TNR: variants seen among roughly 807,000 people sequenced by gnomAD.
The protein encoded by TNR is tenascin-R.
In TNR, 45 loss-of-function variants were observed where a neutral mutation model predicts 150.4. The ratio of observed to expected loss-of-function variants is 0.30; its 90% CI spans 0.24 to 0.38. TNR has a LOEUF of 0.38. TNR is among the 10% of genes least tolerant of loss of function. TNR has a pLI of 1.00. For synonymous variants in TNR, 687 were observed against 678.4 expected, an observed-to-expected ratio of 1.01 and a Z score of -0.20; for missense variants, 1,544 against 1,759.1, an observed-to-expected ratio of 0.88 and a Z score of 2.19.
chr1:175,399,078 G>A (rs767429149), intron 4 of TNR, among the ~76,000 whole-genome samples: 3 of 152,196 alleles, frequency 2.0e-5, no homozygotes, highest in Non-Finnish European at 4.4e-5. Flanking sequence ...TATACATGGT[G>A]TCCCAAAGTA....
At chr1:175,430,802 A>C (rs1655228892) in intron 2 of TNR, among the ~76,000 whole-genome samples, 1 of 152,170 alleles carries the variant, frequency 6.6e-6, no homozygotes, top group African/African-American at 2.4e-5. Flanking sequence ...ACTTGTTTTG[A>C]TCTACCATAT....
chr1:175,416,755 TC>T (rs1288794370), intron 2 of TNR, among the ~76,000 whole-genome samples: 1 of 152,106 alleles, frequency 6.6e-6, no homozygotes, highest in African/African-American at 2.4e-5. Flanking sequence ...ACGCCTGTAA[TC>T]CCAGCACTTT....
chr1:175,644,095 T>C (rs1664743467), intron 1 of TNR, among the ~76,000 whole-genome samples: 1 of 152,226 alleles, frequency 6.6e-6, no homozygotes, highest in African/African-American at 2.4e-5. Flanking sequence ...TTGCCTAATA[T>C]GTTAATAGTA....
chr1:175,578,866 G>C (rs571660099), intron 1 of TNR, among the ~76,000 whole-genome samples: 1 of 152,254 alleles, frequency 6.6e-6, no homozygotes, highest in Admixed American at 6.5e-5. Flanking sequence ...TGAGGGTGGT[G>C]GCTACCCCTG....
At chr1:175,732,479 T>C (rs1247155744) in intron 1 of TNR, among the ~76,000 whole-genome samples, 3 of 152,246 alleles carry the variant, frequency 2.0e-5, no homozygotes, top group Non-Finnish European at 4.4e-5. Flanking sequence ...GATGGGGCTT[T>C]GTTTAAAAAC....
intron 9 of TNR, among the ~76,000 whole-genome samples, chr1:175,378,241 G>A (rs893594011): frequency 2.0e-5 from 3 of 152,114 alleles, no homozygotes; most frequent in South Asian, 4.1e-4. Flanking sequence ...GGCATGACTC[G>A]GCTCTCATTT....
rs1330418123 is a variant in TNR at position 175,331,055 on chromosome 1, T to TTCTTTCTTTCTTTCCTTC, written c.3632-821_3632-820insGAAGGAAAGAAAGAAAGA. ...TTTCTTTCTTTCTTTCTTTCTTTCT[T>TTCTTTCTTTCTTTCCTTC]TCTTTCTTTCTTTCTTTCTTTCCTT... is the stretch of plus-strand genomic sequence containing the variant. On this transcript the variant is annotated intron_variant, in intron 20 of 22. Coordinates refer to ENST00000367674, the MANE Select transcript of TNR (RefSeq NM_003285.3). Among the ~76,000 whole-genome samples, 332 of 117,192 alleles carry TTCTTTCTTTCTTTCCTTC rather than the reference T, an allele frequency of 2.8e-3. 11 individuals are homozygous for TTCTTTCTTTCTTTCCTTC. The highest frequency in any genetic ancestry group is 8.7e-3 in the Admixed American group (97 of 11,136). The allele number at this position is 117,192 out of a possible 152,430, so 76.9% of individuals were successfully genotyped here.
intron 1 of TNR, among the ~76,000 whole-genome samples, chr1:175,710,378 C>T (rs778284336): frequency 7.2e-5 from 11 of 152,082 alleles, no homozygotes; most frequent in Non-Finnish European, 1.0e-4. Flanking sequence ...TGATTTCTGT[C>T]CTGCTTATGT....
In TNR at chr1:175,737,864, AC is replaced by A. The variant is rs944663015; in HGVS notation, c.-165+5361del. On this transcript the variant is annotated intron_variant, in intron 1 of 22. Transcript: ENST00000367674. Reference sequence around the variant, plus strand: ...GGGTCTGTTGGCTCATTTGTCCCTGACCCCAGAACTCCTTCCCCCATTATGA... The same window carrying A: ...GGGTCTGTTGGCTCATTTGTCCCTGACCCAGAACTCCTTCCCCCATTATGA... 3.4e-4 allele frequency among the ~76,000 whole-genome samples: 51 copies of A among 151,996 alleles called. 1 individual carries two copies. The highest frequency in any genetic ancestry group is 1.2e-3 in the African/African-American group (49 of 41,356).
intron 1 of TNR, among the ~76,000 whole-genome samples, chr1:175,564,953 T>C (rs775891294): frequency 1.3e-5 from 2 of 152,208 alleles, no homozygotes; most frequent in Admixed American, 6.5e-5. Flanking sequence ...ATCTATCTCC[T>C]CTTTATCTCA....
intron 1 of TNR, among the ~76,000 whole-genome samples, chr1:175,537,102 C>A (rs112918871): frequency 6.6e-6 from 1 of 152,150 alleles, no homozygotes; most frequent in Non-Finnish European, 1.5e-5. Flanking sequence ...CTTTGGTGCA[C>A]GATCGTTAAG....
intron 1 of TNR, among the ~76,000 whole-genome samples, chr1:175,657,434 G>T (rs1433016362): frequency 2.0e-5 from 3 of 152,024 alleles, no homozygotes. Flanking sequence ...ATACCCAAAG[G>T]ATTATAAATC....
intron 1 of TNR, among the ~76,000 whole-genome samples, chr1:175,585,988 C>T (rs555398499): frequency 1.3e-5 from 2 of 152,190 alleles, no homozygotes; most frequent in Non-Finnish European, 2.9e-5. Context: ...TTGTAACTCA[C>T]CTGGAGAACA....
At chr1:175,636,652 T>C (rs1214748125) in intron 1 of TNR, among the ~76,000 whole-genome samples, 1 of 152,244 alleles carries the variant, frequency 6.6e-6, no homozygotes, top group African/African-American at 2.4e-5. Flanking sequence ...CTGATTTCTA[T>C]AATTCCTCTG....
intron 2 of TNR, among the ~76,000 whole-genome samples, chr1:175,513,376 C>A (rs1000586216): frequency 6.6e-6 from 1 of 152,172 alleles, no homozygotes; most frequent in Non-Finnish European, 1.5e-5. Flanking sequence ...AGAAATCGAA[C>A]ACATGTAGTC....
At chr1:175,546,968 C>T (rs967954677) in intron 1 of TNR, among the ~76,000 whole-genome samples, 17 of 152,168 alleles carry the variant, frequency 1.1e-4, no homozygotes, top group Admixed American at 9.8e-4. Flanking sequence ...CTGCAAAGTG[C>T]CAGTCACTTT....
chr1:175,720,754 G>A (rs1468802475), intron 1 of TNR, among the ~76,000 whole-genome samples: 2 of 152,230 alleles, frequency 1.3e-5, no homozygotes, highest in Non-Finnish European at 1.5e-5. Flanking sequence ...CTGCCCAGTG[G>A]AGGAAGGAGG....
In TNR at chr1:175,578,331, G is replaced by A. The variant is rs575173597; in HGVS notation, c.-164-49962C>T. ...GACAATAGCAAGATGAGGGGCCATA[G>A]AGAAGGTAAACAAGATTGATAAAAG... On this transcript the variant is annotated intron_variant, in intron 1 of 22. Coordinates refer to ENST00000367674, the MANE Select transcript of TNR (RefSeq NM_003285.3). 2.6e-5 allele frequency among the ~76,000 whole-genome samples: 4 copies of A among 152,080 alleles called. No homozygotes were observed. In the South Asian group the frequency reaches 6.2e-4, roughly 24 times the overall value.
intron 1 of TNR, among the ~76,000 whole-genome samples, chr1:175,709,046 G>A (rs979090319): frequency 6.7e-6 from 1 of 150,268 alleles, no homozygotes. Flanking sequence ...GGTGAGTGTC[G>A]CCTCACTGGG....
Sources: allele counts gnomAD v4.1 joint callset (sites outside exome capture counted in the v4.1 genomes callset), GRCh38; gene constraint gnomAD v4.1.1; transcripts MANE v1.5; gene names NCBI Gene and HGNC (gene_info 2026-07-23, HGNC 2026-07-21).